RABGAP1L: variants seen among roughly 807,000 people sequenced by gnomAD.
RABGAP1L encodes rab GTPase-activating protein 1-like.
RABGAP1L carries 63 observed loss-of-function variants against 137.7 expected under a neutral mutation model. The ratio of observed to expected loss-of-function variants is 0.46; its 90% CI spans 0.37 to 0.56. The LOEUF is 0.56. RABGAP1L is among the 20% of genes least tolerant of loss of function. The probability of loss-of-function intolerance (pLI) is 0.00; values close to 1 mark genes in which losing one functional copy is unlikely to be tolerated. For synonymous variants in RABGAP1L, 431 were observed against 433.7 expected (o/e 0.99, Z 0.08); for missense variants, 1,095 against 1,244.0 (o/e 0.88, Z 1.80).
intron 19 of RABGAP1L, among the ~76,000 whole-genome samples, chr1:174,869,159 A>G (rs1651783930): frequency 6.6e-6 from 1 of 152,142 alleles, no homozygotes; most frequent in African/African-American, 2.4e-5. Context: ...ACATCAATCA[A>G]ATGCTTTCCA....
intron 11 of RABGAP1L, among the ~76,000 whole-genome samples, chr1:174,361,787 A>G (rs1207682937): frequency 6.6e-6 from 1 of 152,150 alleles, no homozygotes; most frequent in Non-Finnish European, 1.5e-5. Flanking sequence ...TTTTTAAAAA[A>G]TACTTTTATT....
At chr1:174,850,215 C>A in intron 19 of RABGAP1L, 1 of 329,682 alleles carries the variant, frequency 3.0e-6, no homozygotes, top group Non-Finnish European at 5.9e-6. Flanking sequence ...CGTGGGAACA[C>A]CAGTGCAGGA....
intron 18 of RABGAP1L, among the ~76,000 whole-genome samples, chr1:174,759,283 TA>T (rs59159307): frequency 0.42 from 54,772 of 130,694 alleles, 11,858 homozygotes; most frequent in Non-Finnish European, 0.51. Flanking sequence ...GTAATTTATT[TA>T]AAAAAAAAAA....
chr1:174,726,919 G>A (rs1034255300), intron 17 of RABGAP1L, among the ~76,000 whole-genome samples: 6 of 151,984 alleles, frequency 3.9e-5, no homozygotes, highest in African/African-American at 1.5e-4. Flanking sequence ...CAAGATTTTG[G>A]TACTCATCGT....
chr1:174,213,017 T>C (rs1487125432), intron 1 of RABGAP1L, among the ~76,000 whole-genome samples: 1 of 152,134 alleles, frequency 6.6e-6, no homozygotes, highest in Admixed American at 6.6e-5. Context: ...AACAGACCAA[T>C]AACAAGTAAT....
chr1:174,977,273 C>G (rs976072736), intron 22 of RABGAP1L, among the ~76,000 whole-genome samples: 5 of 152,120 alleles, frequency 3.3e-5, no homozygotes, highest in Admixed American at 6.5e-5. Context: ...TACAGCGGCC[C>G]AGGATATATA....
chr1:174,204,338 T>C (rs999914168), intron 1 of RABGAP1L, among the ~76,000 whole-genome samples: 4 of 152,196 alleles, frequency 2.6e-5, no homozygotes, highest in South Asian at 4.1e-4. Flanking sequence ...TTTCTAGATA[T>C]AGAGTCGTGT....
chr1:174,294,954 T>G (rs1676977710), intron 10 of RABGAP1L, among the ~76,000 whole-genome samples: 1 of 152,084 alleles, frequency 6.6e-6, no homozygotes, highest in African/African-American at 2.4e-5. Context: ...AGTCTCCCTC[T>G]GTAGCCCAGG....
chr1:174,355,732 G>T (rs1683577453), intron 11 of RABGAP1L, among the ~76,000 whole-genome samples: 1 of 152,042 alleles, frequency 6.6e-6, no homozygotes, highest in African/African-American at 2.4e-5. Flanking sequence ...AATGATTAAT[G>T]ATACGTTTTT....
At chr1:174,559,939 G>C (rs1021977778) in intron 13 of RABGAP1L, among the ~76,000 whole-genome samples, 1 of 152,112 alleles carries the variant, frequency 6.6e-6, no homozygotes, top group African/African-American at 2.4e-5. Flanking sequence ...TTCGAGACCA[G>C]CCTGGCCAAC....
intron 3 of RABGAP1L, among the ~76,000 whole-genome samples, chr1:174,227,329 T>G (rs1327396982): frequency 6.6e-6 from 1 of 151,778 alleles, no homozygotes; most frequent in Non-Finnish European, 1.5e-5. Context: ...GCCTCCTGAG[T>G]AGCTGGGACT....
At chr1:174,888,336 A>G (rs1350182986) in intron 19 of RABGAP1L, among the ~76,000 whole-genome samples, 4 of 152,182 alleles carry the variant, frequency 2.6e-5, no homozygotes, top group African/African-American at 9.7e-5. Context: ...GTTCAATTCA[A>G]TGAACTCCCT....
At chr1:174,249,650 C>CT (rs758531270) in intron 5 of RABGAP1L, among the ~76,000 whole-genome samples, 4,463 of 124,400 alleles carry the variant, frequency 0.036, 77 homozygotes, top group Middle Eastern at 0.068. Flanking sequence ...TTCTTTCTTT[C>CT]TTTTTTTTTT....
chr1:174,567,717 G>A (rs978803710), intron 13 of RABGAP1L, among the ~76,000 whole-genome samples: 13 of 152,170 alleles, frequency 8.5e-5, no homozygotes, highest in African/African-American at 2.9e-4. Context: ...GAGCTTCGTA[G>A]TAGAGATCAC....
At chr1:174,225,947 A>G (rs1670139124) in intron 3 of RABGAP1L, among the ~76,000 whole-genome samples, 1 of 151,954 alleles carries the variant, frequency 6.6e-6, no homozygotes. Flanking sequence ...TTTCCTCCAG[A>G]TTGTAGATGC....
rs935482396 is a variant in RABGAP1L at position 174,218,678 on chromosome 1, G to A, written c.-33-447G>A. Among the ~76,000 whole-genome samples the A allele has an allele frequency of 2.8e-4, 42 of 152,080 alleles. 1 individual carries two copies. The highest frequency in any genetic ancestry group is 8.8e-5 in the Non-Finnish European group (6 of 67,996). On this transcript the variant is annotated intron_variant, in intron 1 of 25. Transcript: ENST00000681986. ...TTGCAGGTACAATATTCGGTCTTGAGGAGATAAGTTTTTTTTTGAAGCATT... is the reference window on the plus strand; with the variant it reads ...TTGCAGGTACAATATTCGGTCTTGAAGAGATAAGTTTTTTTTTGAAGCATT...
intron 19 of RABGAP1L, among the ~76,000 whole-genome samples, chr1:174,842,747 C>T (rs1223638505): frequency 6.6e-6 from 1 of 152,154 alleles, no homozygotes; most frequent in African/African-American, 2.4e-5. Flanking sequence ...TCTCAGGTCC[C>T]TTTCAGTGAT....
intron 18 of RABGAP1L, among the ~76,000 whole-genome samples, chr1:174,763,054 A>T (rs1685359371): frequency 6.6e-6 from 1 of 151,474 alleles, no homozygotes; most frequent in Non-Finnish European, 1.5e-5. Context: ...GCCTAAAGTG[A>T]TCCACCCGCC....
chr1:174,474,029 T>G (rs1236279124), intron 13 of RABGAP1L, among the ~76,000 whole-genome samples: 2 of 152,218 alleles, frequency 1.3e-5, no homozygotes, highest in Non-Finnish European at 2.9e-5. Flanking sequence ...TCATTTTGTT[T>G]TATACATAAA....
Sources: gnomAD v4.1 joint callset for allele counts (sites outside exome capture counted in the v4.1 genomes callset) on GRCh38, gnomAD v4.1.1 for gene constraint, MANE v1.5 for transcripts, NCBI Gene and HGNC (gene_info 2026-07-23, HGNC 2026-07-21) for gene names.